The following ZSWIM6 variants were observed in gnomAD, a reference collection of about 807,000 sequenced individuals.
ZSWIM6 encodes zinc finger SWIM-type containing 6, also known as zinc finger SWIM domain-containing protein 6.
A neutral mutation model predicts 113.2 loss-of-function variants in ZSWIM6; 9 were observed. The ratio of observed to expected loss-of-function variants is 0.08; its 90% CI spans 0.05 to 0.14. ZSWIM6 has a LOEUF of 0.14. ZSWIM6 is among the 10% of genes least tolerant of loss of function. The pLI, the probability that ZSWIM6 is intolerant of heterozygous loss-of-function variation, is 1.00. For missense variants in ZSWIM6, 1,162 were observed against 1,552.2 expected, an observed-to-expected ratio of 0.75 and a Z score of 4.22; for synonymous variants, 611 against 606.5, an observed-to-expected ratio of 1.01 and a Z score of -0.11.
intron 1 of ZSWIM6, among the ~76,000 whole-genome samples, chr5:61,350,219 C>T (rs948428116): frequency 2.4e-4 from 36 of 152,182 alleles, no homozygotes; most frequent in African/African-American, 8.2e-4. Context: ...TATACAGTCA[C>T]CTCTTTCACT....
intron 1 of ZSWIM6, among the ~76,000 whole-genome samples, chr5:61,431,911 T>C (rs1169137038): frequency 6.6e-6 from 1 of 152,246 alleles, no homozygotes; most frequent in East Asian, 1.9e-4. Context: ...TTTTCTGTTT[T>C]TGTTTTTTTT....
At chr5:61,463,193 A>G (rs1000719238) in intron 1 of ZSWIM6, among the ~76,000 whole-genome samples, 2 of 152,230 alleles carry the variant, frequency 1.3e-5, no homozygotes, top group African/African-American at 4.8e-5. Flanking sequence ...AGCTTTAAGT[A>G]TTAATAACTA....
intron 1 of ZSWIM6, among the ~76,000 whole-genome samples, chr5:61,366,305 T>C (rs925241614): frequency 6.6e-6 from 1 of 152,232 alleles, no homozygotes; most frequent in African/African-American, 2.4e-5. Flanking sequence ...TTGCCTCTCT[T>C]TGTCCTGTAT....
intron 7 of ZSWIM6, among the ~76,000 whole-genome samples, chr5:61,529,283 C>T (rs886485492): frequency 6.6e-6 from 1 of 152,210 alleles, no homozygotes; most frequent in African/African-American, 2.4e-5. Flanking sequence ...GCATTATTTA[C>T]AACAATGGAA....
intron 2 of ZSWIM6, among the ~76,000 whole-genome samples, chr5:61,484,112 A>G: frequency 6.6e-6 from 1 of 152,076 alleles, no homozygotes; most frequent in South Asian, 2.1e-4. Flanking sequence ...GCCACAGAAG[A>G]CTGGACCAAA....
chr5:61,464,158 ATTTTTTTTTTT>A lies in ZSWIM6; in HGVS notation c.677-8500_677-8490del, dbSNP rs869288331. Among the ~76,000 whole-genome samples the A allele has an allele frequency of 8.3e-4, 36 of 43,520 alleles. No homozygotes were observed. In the South Asian group the frequency reaches 0.016, roughly 20 times the overall value. 28.6% of individuals were successfully genotyped at this position (43,520 alleles called of 152,430 possible). A position where few individuals can be genotyped will look rare whatever the true frequency, so the allele number is the denominator to read the frequency against. ...AGGTGCATGCCAACACACCCGGCTA[ATTTTTTTTTTT>A]TTTTTTTTTTTTTTTTTTTTTTGCA... On this transcript the variant is annotated intron_variant, in intron 1 of 13. Transcript: ENST00000252744.
At chr5:61,494,188 CTT>C in intron 3 of ZSWIM6, 70 bp from the exon 4 acceptor site, 1 of 1,477,222 alleles carries the variant, frequency 6.8e-7, no homozygotes. Context: ...TGGTTTGTCT[CTT>C]GTGTTGCTGT....
chr5:61,502,544 C>T (rs1055076638), intron 4 of ZSWIM6, among the ~76,000 whole-genome samples: 13 of 152,098 alleles, frequency 8.5e-5, no homozygotes, highest in South Asian at 2.1e-4. Flanking sequence ...GAAAGGATTC[C>T]GATATTATAA....
chr5:61,333,345 G>C (rs918049108), intron 1 of ZSWIM6, among the ~76,000 whole-genome samples: 2 of 151,914 alleles, frequency 1.3e-5, no homozygotes, highest in Non-Finnish European at 2.9e-5. Context: ...GGGCTGTGCG[G>C]GGCGGGGGAG....
chr5:61,409,368 A>C (rs1044525875), intron 1 of ZSWIM6, among the ~76,000 whole-genome samples: 38 of 152,248 alleles, frequency 2.5e-4, no homozygotes, highest in African/African-American at 8.7e-4. Flanking sequence ...AAATTGTAAA[A>C]GTTTTCAAGC....
chr5:61,467,174 C>T (rs565993027), intron 1 of ZSWIM6, among the ~76,000 whole-genome samples: 61 of 152,130 alleles, frequency 4.0e-4, no homozygotes, highest in African/African-American at 1.4e-3. Flanking sequence ...GTGCCCATAG[C>T]GCTTTTGCTT....
At chr5:61,400,026 G>A (rs35262187) in intron 1 of ZSWIM6, among the ~76,000 whole-genome samples, 30,503 of 152,038 alleles carry the variant, frequency 0.2, 3,144 homozygotes, top group South Asian at 0.31. Flanking sequence ...CCTTCCTGAG[G>A]GGCATGGACG....
chr5:61,535,527 C>T lies in ZSWIM6; in HGVS notation c.2289C>T (p.Ser763=), dbSNP rs570035251. Residue 763 remains serine (S), a synonymous_variant, in exon 10 of 14, where the codon AGC becomes AGT. Coordinates refer to ENST00000252744, the MANE Select transcript of ZSWIM6 (RefSeq NM_020928.2). The stretch of plus-strand genomic sequence containing the variant: ...TAGGTGAAATAATCCATCGGGAGAG[C>T]GTTCCAATGCACACATTTGCCAAGT... ...SGLGEIIHRE[S]VPMHTFAKYL... 37 of 1,551,350 alleles carry T rather than the reference C, an allele frequency of 2.4e-5. No individual in the cohort carries two copies. The highest frequency in any genetic ancestry group is 9.8e-5 in the East Asian group (4 of 40,906).
chr5:61,370,152 C>G (rs759957185), intron 1 of ZSWIM6, among the ~76,000 whole-genome samples: 2 of 152,192 alleles, frequency 1.3e-5, no homozygotes, highest in Non-Finnish European at 2.9e-5. Flanking sequence ...ACATCCTTAT[C>G]ATTGCACTGT....
At chr5:61,493,002 A>C (rs2112217719) in intron 3 of ZSWIM6, among the ~76,000 whole-genome samples, 1 of 152,262 alleles carries the variant, frequency 6.6e-6, no homozygotes, top group South Asian at 2.1e-4. Context: ...AATACATAGC[A>C]GTATACATTT....
intron 9 of ZSWIM6, 107 bp downstream of exon 9, chr5:61,531,832 T>A (rs953173542): frequency 2.7e-5 from 34 of 1,256,668 alleles, no homozygotes; most frequent in Non-Finnish European, 3.7e-5. Flanking sequence ...GTAGTTATCC[T>A]GATTGCTATA....
At chr5:61,494,685 T>C (rs1748272749) in intron 4 of ZSWIM6, among the ~76,000 whole-genome samples, 1 of 152,152 alleles carries the variant, frequency 6.6e-6, no homozygotes, top group African/African-American at 2.4e-5. Context: ...AAAAGCTGTA[T>C]TATTTTTAAA....
At chr5:61,333,934 A>G (rs1390685357) in intron 1 of ZSWIM6, among the ~76,000 whole-genome samples, 1 of 152,032 alleles carries the variant, frequency 6.6e-6, no homozygotes, top group Non-Finnish European at 1.5e-5. Context: ...CGCGAGGCAG[A>G]GGGCTCGGCG....
At chr5:61,359,226 A>C (rs1438056477) in intron 1 of ZSWIM6, among the ~76,000 whole-genome samples, 1 of 152,048 alleles carries the variant, frequency 6.6e-6, no homozygotes. Context: ...GGAATGTCAG[A>C]GATTTCTCAT....
Sources: allele counts gnomAD v4.1 joint callset (sites outside exome capture counted in the v4.1 genomes callset), GRCh38; gene constraint gnomAD v4.1.1; transcripts MANE v1.5; gene names NCBI Gene and HGNC (gene_info 2026-07-23, HGNC 2026-07-21).